Variants in CDH13 observed in about 807,000 individuals in gnomAD.
The protein encoded by CDH13 is cadherin-13.
Under a neutral mutation model 63.8 loss-of-function variants are expected in CDH13, and 24 were observed. The observed-to-expected ratio is 0.38, with a 90% CI of 0.27 to 0.53. The LOEUF (loss-of-function observed/expected upper bound fraction) is 0.53, where lower values mean the gene tolerates loss of function less well. CDH13 is among the 20% of genes least tolerant of loss of function. The pLI is 0.85. For missense variants in CDH13, 1,049 were observed against 903.1 expected (o/e 1.16, Z -2.07); for synonymous variants, 503 against 355.3 (o/e 1.42, Z -4.67).
intron 3 of CDH13, among the ~76,000 whole-genome samples, chr16:83,082,293 G>A (rs758641271): frequency 4.6e-5 from 7 of 152,062 alleles, no homozygotes; most frequent in Non-Finnish European, 8.8e-5. Flanking sequence ...GTCTTAACTC[G>A]TTCCAGCATC....
chr16:82,649,779 G>T (rs763534030), intron 1 of CDH13, among the ~76,000 whole-genome samples: 5 of 152,214 alleles, frequency 3.3e-5, no homozygotes, highest in Non-Finnish European at 5.9e-5. Context: ...ACACCAGACT[G>T]CCTGGGTTTG....
intron 10 of CDH13, among the ~76,000 whole-genome samples, chr16:83,730,899 C>T (rs545040741): frequency 6.6e-4 from 100 of 152,292 alleles, no homozygotes; most frequent in African/African-American, 2.2e-3. Flanking sequence ...CCACTTAGAA[C>T]TGAGAACATG....
At chr16:82,956,761 A>C (rs1469164966) in intron 2 of CDH13, among the ~76,000 whole-genome samples, 1 of 152,216 alleles carries the variant, frequency 6.6e-6, no homozygotes, top group Non-Finnish European at 1.5e-5. Flanking sequence ...GAAAGTTTGC[A>C]TAAGATGAGC....
intron 1 of CDH13, among the ~76,000 whole-genome samples, chr16:82,734,271 G>C (rs1209374744): frequency 6.6e-6 from 1 of 152,184 alleles, no homozygotes; most frequent in Non-Finnish European, 1.5e-5. Context: ...GAGTTAAGCA[G>C]TTGCAATCCT....
At chr16:82,981,718 C>G (rs547558753) in intron 2 of CDH13, among the ~76,000 whole-genome samples, 3 of 152,284 alleles carry the variant, frequency 2.0e-5, no homozygotes. Flanking sequence ...TTTTATGTTT[C>G]TATGCATCTC....
In CDH13 at chr16:83,080,613, C is replaced by T. The variant is rs1365931141; in HGVS notation, c.367-44772C>T. On this transcript the variant is annotated intron_variant, in intron 3 of 13. Transcript: ENST00000567109. ...GATTCAGATGGTTTAAGTAACCTGTCCAGTGTCCACAGCTCCTGTATTAGC... is the reference window on the plus strand; with the variant it reads ...GATTCAGATGGTTTAAGTAACCTGTTCAGTGTCCACAGCTCCTGTATTAGC... Among the ~76,000 whole-genome samples the T allele has an allele frequency of 5.9e-5, 9 of 152,158 alleles. No homozygotes were observed. The East Asian group carries it at 1.7e-3, about 30-fold the overall frequency.
At chr16:82,761,183 C>T (rs1327852536) in intron 1 of CDH13, among the ~76,000 whole-genome samples, 1 of 151,600 alleles carries the variant, frequency 6.6e-6, no homozygotes, top group African/African-American at 2.4e-5. Context: ...GCTACCACAC[C>T]TGGCCAATTT....
Position 83,431,136 on chromosome 16 carries a change from AG to A in CDH13, c.782-55339del, listed in dbSNP as rs574582112. ...TCCAGTTTCATCCATGTCCCTACAA[AG>A]GACGTGAACTCATCATTTTTTATGG... On this transcript the variant is annotated intron_variant, in intron 6 of 13. Transcript: ENST00000567109. 6.4e-3 allele frequency among the ~76,000 whole-genome samples: 969 copies of A among 152,134 alleles called. 7 individuals carry two copies. The highest frequency in any genetic ancestry group is 8.8e-3 in the Non-Finnish European group (598 of 68,014).
rs111319723 is a variant in CDH13 at position 83,521,417 on chromosome 16, C to T, written c.960+34762C>T. Among the ~76,000 whole-genome samples the T allele has an allele frequency of 3.9e-5, 6 of 152,090 alleles. 1 individual carries two copies. Among genetic ancestry groups the T allele is most frequent in the African/African-American group, 1.4e-4 (6 of 41,500 alleles). On this transcript the variant is annotated intron_variant, in intron 7 of 13. Transcript: ENST00000567109. ...TTTTATGCTAATAGAGTAGTAGCGG[C>T]CAGGTGACCTTTAGCAGGTTCCTTA...
intron 5 of CDH13, among the ~76,000 whole-genome samples, chr16:83,285,074 T>C (rs2089275496): frequency 6.6e-6 from 1 of 152,194 alleles, no homozygotes; most frequent in African/African-American, 2.4e-5. Context: ...CCTTGGGTTT[T>C]TGTTTTATTT....
chr16:83,096,793 G>T (rs1032211858), intron 3 of CDH13, among the ~76,000 whole-genome samples: 1 of 152,134 alleles, frequency 6.6e-6, no homozygotes. Flanking sequence ...AGAGTAGATT[G>T]AATGCTATTG....
intron 10 of CDH13, among the ~76,000 whole-genome samples, chr16:83,680,179 T>A (rs561103650): frequency 6.0e-4 from 91 of 152,164 alleles, no homozygotes; most frequent in Non-Finnish European, 1.1e-3. Context: ...GACTTGCAGT[T>A]CAGGATCTCA....
chr16:83,252,103 ATT>A (rs1905618861), intron 5 of CDH13, among the ~76,000 whole-genome samples: 2 of 20,556 alleles, frequency 9.7e-5, no homozygotes, highest in South Asian at 1.2e-3. Context: ...GTATATATAT[ATT>A]ATACACACAC....
intron 6 of CDH13, among the ~76,000 whole-genome samples, chr16:83,421,230 G>T (rs146630624): frequency 1.4e-4 from 21 of 152,228 alleles, no homozygotes; most frequent in African/African-American, 4.3e-4. Context: ...GGATTAGTGA[G>T]GTGAAGAGAA....
At chr16:82,950,807 C>CTTTTTTTTTT (rs67534843) in intron 2 of CDH13, among the ~76,000 whole-genome samples, 1 of 132,136 alleles carries the variant, frequency 7.6e-6, no homozygotes, top group Non-Finnish European at 1.6e-5. Flanking sequence ...ACTCCCACAT[C>CTTTTTTTTTT]TTTTTTTTTT....
intron 3 of CDH13, among the ~76,000 whole-genome samples, chr16:83,105,545 C>T (rs2034722677): frequency 2.0e-5 from 3 of 152,118 alleles, no homozygotes; most frequent in Non-Finnish European, 4.4e-5. Flanking sequence ...TTTTTCTCTT[C>T]TCTGGGGCCA....
chr16:83,651,710 C>G (rs1359597086), intron 8 of CDH13, among the ~76,000 whole-genome samples: 2 of 151,146 alleles, frequency 1.3e-5, no homozygotes, highest in African/African-American at 2.4e-5. Context: ...ATTCTCCTGC[C>G]TCAGCCTCCC....
chr16:83,457,943 A>G (rs531455452), intron 6 of CDH13, among the ~76,000 whole-genome samples: 1 of 152,374 alleles, frequency 6.6e-6, no homozygotes, highest in Non-Finnish European at 1.5e-5. Flanking sequence ...CTCATCGGAC[A>G]TACGCAGTGA....
At chr16:82,977,452 G>T (rs920623830) in intron 2 of CDH13, among the ~76,000 whole-genome samples, 3 of 152,142 alleles carry the variant, frequency 2.0e-5, no homozygotes, top group Non-Finnish European at 2.9e-5. Context: ...GGAACCTAGT[G>T]GGAGGTAATT....
Sources: allele counts gnomAD v4.1 joint callset (sites outside exome capture counted in the v4.1 genomes callset), GRCh38; gene constraint gnomAD v4.1.1; transcripts MANE v1.5; gene names NCBI Gene and HGNC (gene_info 2026-07-23, HGNC 2026-07-21).